ZDHHC14: variants seen among roughly 807,000 people sequenced by gnomAD.
ZDHHC14 encodes the protein palmitoyltransferase ZDHHC14.
ZDHHC14 carries 16 observed loss-of-function variants against 47.7 expected under a neutral mutation model. That is an observed-to-expected ratio of 0.34 (90% CI 0.23 to 0.51). ZDHHC14 has a LOEUF of 0.51. ZDHHC14 is among the 20% of genes least tolerant of loss of function. ZDHHC14 has a pLI of 0.97. For missense variants in ZDHHC14, 515 were observed against 662.5 expected (o/e 0.78, Z 2.44); for synonymous variants, 293 against 278.9 (o/e 1.05, Z -0.50).
intron 1 of ZDHHC14, among the ~76,000 whole-genome samples, chr6:157,498,466 C>T (rs1331984032): frequency 1.3e-5 from 2 of 152,064 alleles, no homozygotes; most frequent in Non-Finnish European, 2.9e-5. Context: ...ATGAGTTTGG[C>T]TGATATGGTG....
chr6:157,608,764 C>T (rs1246438390), intron 3 of ZDHHC14, among the ~76,000 whole-genome samples: 1 of 152,104 alleles, frequency 6.6e-6, no homozygotes, highest in Non-Finnish European at 1.5e-5. Context: ...ATGCATGCTT[C>T]AAAAAGTGTC....
intron 1 of ZDHHC14, among the ~76,000 whole-genome samples, chr6:157,426,953 G>A (rs1003596477): frequency 3.3e-5 from 5 of 152,222 alleles, no homozygotes; most frequent in Non-Finnish European, 4.4e-5. Context: ...ATTGCAGACG[G>A]CCTTTCTATA....
At chr6:157,612,322 C>T (rs886325392) in intron 3 of ZDHHC14, among the ~76,000 whole-genome samples, 1 of 152,210 alleles carries the variant, frequency 6.6e-6, no homozygotes, top group Non-Finnish European at 1.5e-5. Flanking sequence ...TCTATGCTGA[C>T]ATCAGAGTGA....
In ZDHHC14 at chr6:157,386,321, A is replaced by G. The variant is rs989094904; in HGVS notation, c.245+4055A>G. 3.9e-5 allele frequency among the ~76,000 whole-genome samples: 6 copies of G among 152,318 alleles called. No homozygotes were observed. The East Asian group carries it at 5.8e-4, about 15-fold the overall frequency. On this transcript the variant is annotated intron_variant, in intron 1 of 8. Coordinates refer to ENST00000359775, the MANE Select transcript of ZDHHC14 (RefSeq NM_024630.3). ...CAAGAGTTCGAGACCAGCCTGGGCA[A>G]CATAGTGAGACCCCATCTCTAAGTT...
intron 3 of ZDHHC14, among the ~76,000 whole-genome samples, chr6:157,626,901 CGG>C (rs1785452773): frequency 7.3e-6 from 1 of 136,072 alleles, no homozygotes; most frequent in African/African-American, 2.8e-5. Context: ...GGGGGGGGGG[CGG>C]CGGGGGCAGC....
chr6:157,560,917 C>G (rs1030415691), intron 2 of ZDHHC14, among the ~76,000 whole-genome samples: 1 of 152,118 alleles, frequency 6.6e-6, no homozygotes. Context: ...CATTATGAGG[C>G]GTGGCGTGTC....
chr6:157,505,390 C>T (rs375755034), intron 1 of ZDHHC14, among the ~76,000 whole-genome samples: 5 of 152,058 alleles, frequency 3.3e-5, no homozygotes, highest in Admixed American at 2.0e-4. Context: ...CCATCATTTG[C>T]GTAGTTCAGG....
At chr6:157,656,221 C>T (rs142768764) in intron 8 of ZDHHC14, among the ~76,000 whole-genome samples, 11 of 152,262 alleles carry the variant, frequency 7.2e-5, no homozygotes, top group African/African-American at 1.4e-4. Flanking sequence ...CTGAAGGCAC[C>T]GGGCTGTGAT....
intron 3 of ZDHHC14, among the ~76,000 whole-genome samples, chr6:157,604,629 C>T (rs1457080692): frequency 2.6e-5 from 4 of 152,050 alleles, no homozygotes; most frequent in Non-Finnish European, 4.4e-5. Context: ...CTGCAACCTC[C>T]GCCTCCCGGG....
Position 157,427,450 on chromosome 6 carries a change from A to G in ZDHHC14, c.245+45184A>G, listed in dbSNP as rs1778244768. The stretch of plus-strand genomic sequence containing the variant: ...ATCTGCTTCCCACTCTGCTTTCTCC[A>G]GCAGGGCCTACCAGCATGGGTTGGC... On this transcript the variant is annotated intron_variant, in intron 1 of 8. Transcript: ENST00000359775. This position sits in a 1 kb window ranked among gnomAD's most constrained non-coding sequence, Gnocchi z 4.4. Among the ~76,000 whole-genome samples the G allele has an allele frequency of 6.6e-6, 1 of 152,130 alleles. No individual in the cohort carries two copies. Among genetic ancestry groups the G allele is most frequent in the South Asian group, 2.1e-4 (1 of 4,826 alleles).
chr6:157,538,994 G>C (rs916267895), intron 1 of ZDHHC14, among the ~76,000 whole-genome samples: 3 of 152,066 alleles, frequency 2.0e-5, no homozygotes, highest in African/African-American at 7.2e-5. Flanking sequence ...TAAGGAGCTC[G>C]AGCTTCATTT....
At chr6:157,668,442 G>T (rs1778646586) in intron 8 of ZDHHC14, among the ~76,000 whole-genome samples, 1 of 151,488 alleles carries the variant, frequency 6.6e-6, no homozygotes. Context: ...CCAGCACTTT[G>T]GGAGGCCGAG....
chr6:157,470,737 A>G (rs1429293622), intron 1 of ZDHHC14, among the ~76,000 whole-genome samples: 2 of 152,260 alleles, frequency 1.3e-5, no homozygotes, highest in Admixed American at 1.3e-4. Context: ...AAATTTAAAA[A>G]TAGATACATT....
intron 2 of ZDHHC14, among the ~76,000 whole-genome samples, chr6:157,549,822 G>A (rs1782148465): frequency 6.6e-6 from 1 of 152,218 alleles, no homozygotes; most frequent in Non-Finnish European, 1.5e-5. Flanking sequence ...GGACATTCAA[G>A]GAAGCCAGTG....
chr6:157,429,425 A>G (rs1226819704), intron 1 of ZDHHC14, among the ~76,000 whole-genome samples: 1 of 152,200 alleles, frequency 6.6e-6, no homozygotes, highest in Non-Finnish European at 1.5e-5. Flanking sequence ...TTTGCACATC[A>G]CTGCCCTAGA....
At chr6:157,434,939 G>A (rs1778410264) in intron 1 of ZDHHC14, among the ~76,000 whole-genome samples, 2 of 152,234 alleles carry the variant, frequency 1.3e-5, no homozygotes, top group African/African-American at 4.8e-5. Context: ...TGGACTGCCA[G>A]CAAAGCTTTT....
At position 157,577,420 on chromosome 6, in the gene ZDHHC14, G is replaced by T. The variant is rs138793790; in HGVS notation, c.407-15568G>T. ...GGGCTGAATGGTAATTCTATTTTAAGTTCTTTGAGGAATCACCATGCTGCT... is the reference window on the plus strand; with the variant it reads ...GGGCTGAATGGTAATTCTATTTTAATTTCTTTGAGGAATCACCATGCTGCT... On this transcript the variant is annotated intron_variant, in intron 2 of 8. Coordinates refer to ENST00000359775, the MANE Select transcript of ZDHHC14 (RefSeq NM_024630.3). 2.5e-3 allele frequency among the ~76,000 whole-genome samples: 385 copies of T among 152,258 alleles called. 3 individuals are homozygous for T. The highest frequency in any genetic ancestry group is 9.0e-3 in the African/African-American group (372 of 41,550).
intron 3 of ZDHHC14, among the ~76,000 whole-genome samples, chr6:157,615,483 G>A (rs1287569813): frequency 6.6e-6 from 1 of 152,212 alleles, no homozygotes; most frequent in Non-Finnish European, 1.5e-5. Flanking sequence ...TGTGTGAAAT[G>A]TGTAGACACA....
At chr6:157,487,570 C>T (rs1044139484) in intron 1 of ZDHHC14, among the ~76,000 whole-genome samples, 8 of 152,308 alleles carry the variant, frequency 5.3e-5, no homozygotes, top group African/African-American at 1.4e-4. Context: ...TGTACAGACG[C>T]TGACTGGCCT....
Sources: gnomAD v4.1 joint callset for allele counts (sites outside exome capture counted in the v4.1 genomes callset) on GRCh38, gnomAD v4.1.1 for gene constraint, Gnocchi (gnomAD v3.1) non-coding constraint, MANE v1.5 for transcripts, NCBI Gene and HGNC (gene_info 2026-07-23, HGNC 2026-07-21) for gene names.